Variants in LATS2 observed in about 807,000 individuals in gnomAD.
LATS2 encodes the protein large tumor suppressor kinase 2, also known as serine/threonine-protein kinase LATS2.
Under a neutral mutation model 76.0 loss-of-function variants are expected in LATS2, and 24 were observed. That is an observed-to-expected ratio of 0.32 (90% CI 0.23 to 0.44). The LOEUF (loss-of-function observed/expected upper bound fraction) is 0.44. Among genes scored for constraint, LATS2 ranks in the 20% least tolerant of loss-of-function variants. The pLI is 1.00. For missense variants in LATS2, 1,286 were observed against 1,481.2 expected (o/e 0.87, Z 2.16); for synonymous variants, 692 against 635.4 (o/e 1.09, Z -1.34).
chr13:20,978,361 T>G (rs1339314864), intron 7 of LATS2, among the ~76,000 whole-genome samples: 1 of 152,120 alleles, frequency 6.6e-6, no homozygotes, highest in Non-Finnish European at 1.5e-5. Context: ...GACTGCAGAT[T>G]CTTAATTTCA....
rs1873066183 is a variant in LATS2, at chr13:21,046,066, T to TA, written c.-41dup. On this transcript the variant is annotated 5_prime_UTR_variant, in exon 2 of 8. Coordinates refer to ENST00000382592, the MANE Select transcript of LATS2 (RefSeq NM_014572.3). ...CCTTTTACCATAAATACAATCTTCT[T>TA]AAAGTGTTTTATTATTTAAAAAAAA... The TA allele has an allele frequency of 7.3e-7, 1 of 1,360,784 alleles. No individual in the cohort carries two copies. The highest frequency in any genetic ancestry group is 1.0e-6 in the Non-Finnish European group (1 of 982,738). The allele number at this position is 1,360,784 out of a possible 1,614,324, so 84.3% of individuals were successfully genotyped here.
rs371772552 is a variant in LATS2 at position 20,989,213 on chromosome 13, G to A, written c.567C>T (p.Thr189=). 6.2e-7 allele frequency: 1 copy of A among 1,613,840 alleles called. No homozygotes were observed. Among genetic ancestry groups the A allele is most frequent in the Non-Finnish European group, 8.5e-7 (1 of 1,180,012 alleles). ...CGCCGAAGCTTGGGCCCTCGTAGGG[G>A]GTACCGCTCAGCTGGTGGTAGGACG... ...SFASYHQLSG[T]PYEGPSFGAD... The change falls in exon 4 of 8, where the codon ACC becomes ACT. Residue 189 remains threonine, a synonymous_variant. Coordinates refer to ENST00000382592, the MANE Select transcript of LATS2 (RefSeq NM_014572.3).
chr13:21,049,997 T>A (rs1306501021), intron 1 of LATS2, among the ~76,000 whole-genome samples: 3 of 152,014 alleles, frequency 2.0e-5, no homozygotes, highest in Non-Finnish European at 4.4e-5. Flanking sequence ...AGCACACCCC[T>A]GTAGTCCAGC....
chr13:21,060,962 T>C (rs1467100834), intron 1 of LATS2, among the ~76,000 whole-genome samples: 2 of 150,602 alleles, frequency 1.3e-5, no homozygotes, highest in Non-Finnish European at 3.0e-5. Context: ...GCCTTTCGGG[T>C]CTAGGACACC....
intron 3 of LATS2, among the ~76,000 whole-genome samples, chr13:20,989,774 C>T (rs1870428733): frequency 1.3e-5 from 2 of 152,234 alleles, no homozygotes; most frequent in Non-Finnish European, 2.9e-5. Flanking sequence ...GCAGCAGCTG[C>T]TCCACTTCTC....
chr13:21,000,935 C>T (rs1242245997), intron 2 of LATS2, among the ~76,000 whole-genome samples: 1 of 152,138 alleles, frequency 6.6e-6, no homozygotes. Flanking sequence ...TAAAGTATGA[C>T]TTAATTTTAT....
chr13:21,053,484 C>T (rs2138416316), intron 1 of LATS2, among the ~76,000 whole-genome samples: 1 of 152,244 alleles, frequency 6.6e-6, no homozygotes, highest in South Asian at 2.1e-4. Context: ...TACTCCCAGG[C>T]ATGTGCACAC....
chr13:20,993,470 A>G (rs1221457665), intron 2 of LATS2, among the ~76,000 whole-genome samples: 1 of 152,138 alleles, frequency 6.6e-6, no homozygotes, highest in Non-Finnish European at 1.5e-5. Context: ...AGGCGTGGGC[A>G]TGGCAAGATG....
At chr13:21,054,977 A>G (rs1462217004) in intron 1 of LATS2, among the ~76,000 whole-genome samples, 1 of 150,568 alleles carries the variant, frequency 6.6e-6, no homozygotes, top group Non-Finnish European at 1.5e-5. Context: ...TCCCTGTCTT[A>G]AGTGAATATG....
chr13:21,031,506 T>G (rs1247931580), intron 2 of LATS2, among the ~76,000 whole-genome samples: 3 of 152,242 alleles, frequency 2.0e-5, no homozygotes, highest in Non-Finnish European at 2.9e-5. Context: ...TCACCTATTT[T>G]GCTTTTCAGT....
rs1308489433 is a variant in LATS2 at position 20,989,250 on chromosome 13, C to T, written c.530G>A (p.Gly177Asp). Residue 177 changes from glycine (G) to aspartate (D), a missense_variant, in exon 4 of 8, where the codon GGC becomes GAC. Transcript: ENST00000382592. ...CTGGTGGTAGGACGCAAACGAATCG[C>T]CGGTTCCTTCGAAGCTGGGCCTCCG... ...VTRRPSFEGT[G>D]DSFASYHQLS... The T allele has an allele frequency of 1.2e-6, 2 of 1,614,014 alleles. No individual in the cohort carries two copies. Among genetic ancestry groups the T allele is most frequent in the East Asian group, 2.2e-5 (1 of 44,882 alleles).
rs1409519037 is a variant in LATS2 at position 20,983,627 on chromosome 13, C to T, written c.2079G>A (p.Leu693=). Reference sequence around the variant, plus strand: ...TTTTCCTTAGGGTCTTCATGGCGTACAGGGCGTGAGTGTCCACCTTACAAG... The same window carrying T: ...TTTTCCTTAGGGTCTTCATGGCGTATAGGGCGTGAGTGTCCACCTTACAAG... ...CLACKVDTHA[L]YAMKTLRKKD... The change falls in exon 5 of 8, where the codon CTG becomes CTA. Residue 693 remains leucine, a synonymous_variant. Transcript: ENST00000382592. 1.9e-6 allele frequency: 3 copies of T among 1,614,158 alleles called. No individual in the cohort carries two copies. The highest frequency in any genetic ancestry group is 2.5e-6 in the Non-Finnish European group (3 of 1,180,040).
intron 6 of LATS2, among the ~76,000 whole-genome samples, chr13:20,981,023 G>A (rs1869848280): frequency 6.6e-6 from 1 of 152,200 alleles, no homozygotes. Context: ...GAGAATGAGA[G>A]AAAAAGGATC....
At chr13:20,989,395 C>G (rs955469591) in intron 3 of LATS2, 91 bp from the exon 4 acceptor site, 2 of 1,385,098 alleles carry the variant, frequency 1.4e-6, no homozygotes, top group Admixed American at 1.8e-5. Context: ...TAGCGCTGCC[C>G]TCGGGGCTGA....
chr13:21,021,104 A>G (rs1024507110), intron 2 of LATS2, among the ~76,000 whole-genome samples: 2 of 152,200 alleles, frequency 1.3e-5, no homozygotes, highest in African/African-American at 4.8e-5. Context: ...GTCACTGTCA[A>G]AACTGGTCAG....
chr13:20,976,896 G>C (rs1428055137), intron 7 of LATS2, among the ~76,000 whole-genome samples: 1 of 152,008 alleles, frequency 6.6e-6, no homozygotes, highest in African/African-American at 2.4e-5. Flanking sequence ...TCCTCAAAAA[G>C]TTAAACACAG....
chr13:21,003,330 T>C (rs929920320), intron 2 of LATS2, among the ~76,000 whole-genome samples: 4 of 152,124 alleles, frequency 2.6e-5, no homozygotes, highest in Non-Finnish European at 4.4e-5. Flanking sequence ...CTCTGGTCAC[T>C]GCAAACCCTG....
intron 2 of LATS2, among the ~76,000 whole-genome samples, chr13:21,007,680 A>G (rs1871372189): frequency 3.4e-4 from 1 of 2,938 alleles, no homozygotes; most frequent in Non-Finnish European, 6.5e-4. Context: ...ATATATATAT[A>G]TAGTATATAT....
chr13:21,007,624 G>A (rs183148670), intron 2 of LATS2, among the ~76,000 whole-genome samples: 3 of 536 alleles, frequency 5.6e-3, no homozygotes, highest in Non-Finnish European at 0.011. Flanking sequence ...TATATATAGT[G>A]TATATATATA....
Sources: gnomAD v4.1 joint callset for allele counts (sites outside exome capture counted in the v4.1 genomes callset) on GRCh38, gnomAD v4.1.1 for gene constraint, MANE v1.5 for transcripts, NCBI Gene and HGNC (gene_info 2026-07-23, HGNC 2026-07-21) for gene names.